The following SYT1 variants were observed in gnomAD, a reference collection of about 807,000 sequenced individuals.
SYT1 encodes synaptotagmin-1.
In SYT1, 8 loss-of-function variants were observed where a neutral mutation model predicts 44.8. The ratio of observed to expected loss-of-function variants is 0.18; its 90% CI spans 0.10 to 0.32. SYT1 has a LOEUF of 0.32. Among genes scored for constraint, SYT1 ranks in the 10% least tolerant of loss-of-function variants. The pLI is 1.00. For synonymous variants in SYT1, 154 were observed against 188.8 expected (o/e 0.82, Z 1.51); for missense variants, 286 against 509.3 (o/e 0.56, Z 4.22).
At chr12:79,297,178 A>G (rs2138870575) in intron 7 of SYT1, among the ~76,000 whole-genome samples, 1 of 152,230 alleles carries the variant, frequency 6.6e-6, no homozygotes, top group Non-Finnish European at 1.5e-5. Flanking sequence ...TATTCACTCT[A>G]AAATTTCTGA....
intron 2 of SYT1, among the ~76,000 whole-genome samples, chr12:79,030,841 A>G (rs1397773233): frequency 6.6e-6 from 1 of 151,066 alleles, no homozygotes; most frequent in Non-Finnish European, 1.5e-5. Flanking sequence ...CATCAGCTCT[A>G]CTTTGTCTTA....
At chr12:78,974,541 G>A (rs1329084598) in intron 1 of SYT1, among the ~76,000 whole-genome samples, 1 of 151,706 alleles carries the variant, frequency 6.6e-6, no homozygotes, top group African/African-American at 2.4e-5. Context: ...GGTTCACGCC[G>A]TTCTCCTGCC....
intron 3 of SYT1, among the ~76,000 whole-genome samples, chr12:79,202,740 A>C (rs1370666730): frequency 6.6e-6 from 1 of 152,236 alleles, no homozygotes; most frequent in African/African-American, 2.4e-5. Context: ...AATGATGGAC[A>C]CACTAAAAGG....
chr12:79,199,031 C>G (rs1377907305), intron 3 of SYT1, among the ~76,000 whole-genome samples: 1 of 152,166 alleles, frequency 6.6e-6, no homozygotes, highest in Non-Finnish European at 1.5e-5. Context: ...TATTGATTTT[C>G]AGACTTCCTT....
intron 1 of SYT1, among the ~76,000 whole-genome samples, chr12:78,934,267 G>A (rs570849291): frequency 1.8e-4 from 28 of 151,956 alleles, no homozygotes; most frequent in African/African-American, 6.0e-4. Flanking sequence ...CAAGGACAGG[G>A]CCAGGTGGAG....
At chr12:79,391,890 A>G (rs1341496564) in intron 9 of SYT1, among the ~76,000 whole-genome samples, 4 of 152,232 alleles carry the variant, frequency 2.6e-5, no homozygotes, top group African/African-American at 9.6e-5. Context: ...TGTCACAACT[A>G]AAAATGAGGC....
intron 9 of SYT1, among the ~76,000 whole-genome samples, chr12:79,371,185 T>C (rs1166242333): frequency 1.3e-5 from 2 of 152,116 alleles, no homozygotes; most frequent in Non-Finnish European, 1.5e-5. Context: ...AGAGACTCGC[T>C]CAAGGTCACA....
At chr12:79,327,295 G>A (rs1055186845) in intron 8 of SYT1, among the ~76,000 whole-genome samples, 2 of 152,096 alleles carry the variant, frequency 1.3e-5, no homozygotes, top group African/African-American at 4.8e-5. Context: ...TCTGCATATT[G>A]TTTAGTATCC....
At chr12:79,292,309 T>C (rs1467871069) in intron 6 of SYT1, among the ~76,000 whole-genome samples, 179 bp downstream of exon 6, 3 of 152,232 alleles carry the variant, frequency 2.0e-5, no homozygotes, top group Non-Finnish European at 1.5e-5. Context: ...ATTTAACTTC[T>C]GGTAATTAGA....
intron 9 of SYT1, among the ~76,000 whole-genome samples, chr12:79,426,708 T>C (rs2136168759): frequency 6.6e-6 from 1 of 152,350 alleles, no homozygotes; most frequent in African/African-American, 2.4e-5. Flanking sequence ...CAACAGAATG[T>C]TAATATTTAT....
At chr12:79,334,375 G>A (rs939309728) in intron 8 of SYT1, among the ~76,000 whole-genome samples, 1 of 152,120 alleles carries the variant, frequency 6.6e-6, no homozygotes, top group Admixed American at 6.6e-5. Context: ...GATATTTACG[G>A]CACAATATTG....
intron 9 of SYT1, among the ~76,000 whole-genome samples, chr12:79,437,521 A>T (rs1870159213): frequency 6.6e-6 from 1 of 152,228 alleles, no homozygotes; most frequent in Non-Finnish European, 1.5e-5. Flanking sequence ...ATAAGAGAAG[A>T]GTTAAGGTGG....
chr12:79,327,457 T>C (rs999326994), intron 8 of SYT1, among the ~76,000 whole-genome samples: 1 of 152,168 alleles, frequency 6.6e-6, no homozygotes, highest in African/African-American at 2.4e-5. Context: ...CTAGGTAACA[T>C]ATAGCCAAAA....
chr12:78,982,045 A>G (rs1869302244), intron 2 of SYT1, among the ~76,000 whole-genome samples: 1 of 152,138 alleles, frequency 6.6e-6, no homozygotes, highest in Non-Finnish European at 1.5e-5. Flanking sequence ...AGCAGCCCTA[A>G]GCAGAGCCCC....
At chr12:79,427,889 A>AACTT (rs1869541203) in intron 9 of SYT1, among the ~76,000 whole-genome samples, 1 of 152,226 alleles carries the variant, frequency 6.6e-6, no homozygotes, top group African/African-American at 2.4e-5. Flanking sequence ...GTCTGCATTT[A>AACTT]ACTTATGGTA....
chr12:79,023,849 T>A (rs1872351242), intron 2 of SYT1, among the ~76,000 whole-genome samples: 1 of 151,744 alleles, frequency 6.6e-6, no homozygotes, highest in Non-Finnish European at 1.5e-5. Context: ...TTCTGAACTA[T>A]TCACCTATAG....
chr12:79,041,273 A>G (rs1873548317), intron 2 of SYT1, among the ~76,000 whole-genome samples: 1 of 152,072 alleles, frequency 6.6e-6, no homozygotes, highest in Non-Finnish European at 1.5e-5. Flanking sequence ...ATGTTCTTCC[A>G]TTTGTTTGTA....
intron 3 of SYT1, among the ~76,000 whole-genome samples, chr12:79,168,998 C>T (rs61927319): frequency 0.08 from 12,177 of 151,886 alleles, 643 homozygotes; most frequent in African/African-American, 0.15. Flanking sequence ...CAGTTGAATG[C>T]TTTTGTGAAT....
intron 9 of SYT1, among the ~76,000 whole-genome samples, chr12:79,357,009 G>A (rs1233500798): frequency 5.9e-5 from 9 of 152,204 alleles, no homozygotes; most frequent in Admixed American, 6.5e-5. Context: ...TCAGGCAAAC[G>A]TATCAGTAGG....
Sources: gnomAD v4.1 joint callset for allele counts (sites outside exome capture counted in the v4.1 genomes callset) on GRCh38, gnomAD v4.1.1 for gene constraint, MANE v1.5 for transcripts, NCBI Gene and HGNC (gene_info 2026-07-23, HGNC 2026-07-21) for gene names.